XKR4: variants seen among roughly 807,000 people sequenced by gnomAD.
XKR4 encodes XK related 4.
XKR4 carries 12 observed loss-of-function variants against 53.9 expected under a neutral mutation model. That is an observed-to-expected ratio of 0.22 (90% CI 0.14 to 0.36). The LOEUF (loss-of-function observed/expected upper bound fraction) is 0.36. XKR4 is among the 10% of genes least tolerant of loss of function. The pLI is 1.00. For missense variants in XKR4, 799 were observed against 859.5 expected (o/e 0.93, Z 0.88); for synonymous variants, 354 against 362.4 (o/e 0.98, Z 0.26).
chr8:55,500,392 G>T (rs528870129), intron 2 of XKR4, among the ~76,000 whole-genome samples: 14 of 152,234 alleles, frequency 9.2e-5, no homozygotes, highest in African/African-American at 3.4e-4. Context: ...TGTCATCAAA[G>T]ATAGGTGAAT....
intron 2 of XKR4, chr8:55,452,422 G>A: frequency 1.9e-5 from 12 of 630,330 alleles, no homozygotes; most frequent in South Asian, 1.6e-4. Context: ...GCTGGGAGCA[G>A]TGCTGGCCAC....
intron 2 of XKR4, among the ~76,000 whole-genome samples, chr8:55,414,118 AAG>A (rs2129391592): frequency 6.6e-6 from 1 of 152,338 alleles, no homozygotes; most frequent in East Asian, 1.9e-4. Flanking sequence ...TACAGTAAGA[AAG>A]AGAAACCTCA....
At chr8:55,141,093 C>T (rs1816696163) in intron 1 of XKR4, among the ~76,000 whole-genome samples, 1 of 152,220 alleles carries the variant, frequency 6.6e-6, no homozygotes, top group African/African-American at 2.4e-5. Context: ...ACAGAAGAAA[C>T]TCTGTACCCA....
chr8:55,370,267 A>G (rs1804053233), intron 2 of XKR4, among the ~76,000 whole-genome samples: 1 of 152,204 alleles, frequency 6.6e-6, no homozygotes, highest in Non-Finnish European at 1.5e-5. Flanking sequence ...ATGCTCAGGA[A>G]GTCAGTGAGG....
chr8:55,432,028 C>T (rs1025504813), intron 2 of XKR4, among the ~76,000 whole-genome samples: 4 of 152,304 alleles, frequency 2.6e-5, no homozygotes, highest in East Asian at 3.9e-4. Flanking sequence ...TTAATCCAAT[C>T]ATGCTCACAT....
intron 2 of XKR4, among the ~76,000 whole-genome samples, chr8:55,421,947 T>C (rs1352838630): frequency 6.6e-6 from 1 of 152,194 alleles, no homozygotes; most frequent in Admixed American, 6.5e-5. Flanking sequence ...CTGGGAGCCA[T>C]TTGTCTTCTC....
chr8:55,493,261 A>C (rs1353579953), intron 2 of XKR4, among the ~76,000 whole-genome samples: 1 of 152,212 alleles, frequency 6.6e-6, no homozygotes, highest in Non-Finnish European at 1.5e-5. Context: ...TCCTACCAGG[A>C]GTAATGCCCA....
intron 1 of XKR4, among the ~76,000 whole-genome samples, chr8:55,231,986 G>A (rs1818048298): frequency 6.6e-6 from 1 of 152,192 alleles, no homozygotes; most frequent in South Asian, 2.1e-4. Context: ...GTGACTGAGA[G>A]CTTCATAAAC....
intron 2 of XKR4, among the ~76,000 whole-genome samples, chr8:55,460,745 G>A (rs1235334149): frequency 1.3e-5 from 2 of 152,224 alleles, no homozygotes; most frequent in Admixed American, 6.5e-5. Flanking sequence ...AGAAAGGGGT[G>A]ACAGATGGCA....
At chr8:55,478,047 A>T (rs866649563) in intron 2 of XKR4, among the ~76,000 whole-genome samples, 2 of 152,098 alleles carry the variant, frequency 1.3e-5, no homozygotes, top group South Asian at 4.1e-4. Context: ...TTCAGAAAAT[A>T]CAGAGAACGC....
chr8:55,453,937 G>T, intron 2 of XKR4: 1 of 665,202 alleles, frequency 1.5e-6, no homozygotes. Flanking sequence ...CATTCATCAG[G>T]AAATCGTCCT....
At chr8:55,160,218 C>T (rs1816965420) in intron 1 of XKR4, among the ~76,000 whole-genome samples, 1 of 152,136 alleles carries the variant, frequency 6.6e-6, no homozygotes, top group Non-Finnish European at 1.5e-5. Flanking sequence ...ATGGGTGCAG[C>T]CCTGAACTAG....
chr8:55,137,551 T>TA (rs1816648017), intron 1 of XKR4, among the ~76,000 whole-genome samples: 1 of 151,650 alleles, frequency 6.6e-6, no homozygotes, highest in Admixed American at 6.6e-5. Context: ...TTAAGAGGTT[T>TA]AGATGCTTCA....
intron 1 of XKR4, among the ~76,000 whole-genome samples, chr8:55,204,621 A>G (rs1263752176): frequency 1.3e-5 from 2 of 152,212 alleles, no homozygotes; most frequent in Non-Finnish European, 2.9e-5. Context: ...AATGAAACAC[A>G]TGAACAAAAA....
chr8:55,303,533 C>T (rs1395470795), intron 1 of XKR4, among the ~76,000 whole-genome samples: 2 of 152,130 alleles, frequency 1.3e-5, no homozygotes, highest in African/African-American at 2.4e-5. Context: ...AGGAGGATTC[C>T]CTCTTTTTCT....
At position 55,428,002 on chromosome 8, in the gene XKR4, A is replaced by C. The variant is rs140738805; in HGVS notation, c.1006+70125A>C. Among the ~76,000 whole-genome samples the C allele has an allele frequency of 3.3e-5, 5 of 152,314 alleles. No individual in the cohort carries two copies. In the East Asian group the frequency reaches 9.7e-4, roughly 29 times the overall value. On this transcript the variant is annotated intron_variant, in intron 2 of 2. Transcript: ENST00000327381. ...CATTTGCGTAGTTAAAATTTAATTA[A>C]ATTGTATTGAGACAAATAGAATGTT... is the stretch of plus-strand genomic sequence containing the variant.
chr8:55,470,329 T>C (rs1404727538), intron 2 of XKR4, among the ~76,000 whole-genome samples: 1 of 152,126 alleles, frequency 6.6e-6, no homozygotes, highest in Non-Finnish European at 1.5e-5. Context: ...AATTCCCTCA[T>C]GTTGTGGGAG....
intron 1 of XKR4, among the ~76,000 whole-genome samples, chr8:55,105,482 G>A (rs775113846): frequency 2.3e-4 from 35 of 152,136 alleles, no homozygotes; most frequent in Non-Finnish European, 4.1e-4. Context: ...GCTCCTTTTA[G>A]TTAAGCATTT....
At chr8:55,188,676 C>T (rs1417732642) in intron 1 of XKR4, among the ~76,000 whole-genome samples, 2 of 152,120 alleles carry the variant, frequency 1.3e-5, no homozygotes, top group Non-Finnish European at 2.9e-5. Flanking sequence ...GGTCTAGGGT[C>T]AAACTGCTAG....
Sources: allele counts gnomAD v4.1 joint callset (sites outside exome capture counted in the v4.1 genomes callset), GRCh38; gene constraint gnomAD v4.1.1; transcripts MANE v1.5; gene names NCBI Gene and HGNC (gene_info 2026-07-23, HGNC 2026-07-21).